SOX8: variants seen among roughly 807,000 people sequenced by gnomAD.
The protein encoded by SOX8 is transcription factor SOX-8.
SOX8 carries 9 observed loss-of-function variants against 22.9 expected under a neutral mutation model. That is an observed-to-expected ratio of 0.39 (90% CI 0.24 to 0.69). SOX8 has a LOEUF of 0.69. Among genes scored for constraint, SOX8 ranks in the 30% least tolerant of loss-of-function variants. SOX8 has a pLI of 0.43. For missense variants in SOX8, 734 were observed against 699.4 expected (o/e 1.05, Z -0.56); for synonymous variants, 416 against 330.6 (o/e 1.26, Z -2.80).
intron 2 of SOX8, 85 bp downstream of exon 2, chr16:984,045 T>C: frequency 8.3e-7 from 1 of 1,200,534 alleles, no homozygotes; most frequent in Non-Finnish European, 1.1e-6. Flanking sequence ...TGCATGATGG[T>C]GGAGGGGGGC....
At chr16:983,054 T>C (rs1238836103) in intron 1 of SOX8, 1 of 152,322 alleles carries the variant, frequency 6.6e-6, no homozygotes, top group Non-Finnish European at 1.5e-5. Context: ...ATGGTTCTCT[T>C]GGTTTGGGGC....
chr16:984,659 A>C, intron 2 of SOX8, 42 bp from the exon 3 acceptor site: 2 of 1,290,130 alleles, frequency 1.6e-6, no homozygotes, highest in Non-Finnish European at 2.0e-6. Context: ...CCCGCCCCAC[A>C]GAAGGGGCAT....
chr16:982,439 G>T, intron 1 of SOX8, 95 bp downstream of exon 1: 1 of 1,228,512 alleles, frequency 8.1e-7, no homozygotes, highest in South Asian at 2.7e-5. Flanking sequence ...AGCTCGCGGA[G>T]GTGGTGGCCA....
chr16:985,426 C>A lies in SOX8; in HGVS notation c.*40C>A, dbSNP rs1170196598. ...GGAGGGACTCGCAGGCGTCAGGGGG[C>A]AGCCTTGTCCCGGCCCAGTGTGTGT... On this transcript the variant is annotated 3_prime_UTR_variant, in exon 3 of 3. Coordinates refer to ENST00000293894, the MANE Select transcript of SOX8 (RefSeq NM_014587.5). The A allele has an allele frequency of 1.4e-6, 2 of 1,449,692 alleles. No individual in the cohort carries two copies. Among genetic ancestry groups the A allele is most frequent in the South Asian group, 1.4e-5 (1 of 73,458 alleles). 89.8% of individuals were successfully genotyped at this position (1,449,692 alleles called of 1,614,324 possible). A position where few individuals can be genotyped will look rare whatever the true frequency, so the allele number is the denominator to read the frequency against.
At chr16:984,448 G>A (rs549919187) in intron 2 of SOX8, among the ~76,000 whole-genome samples, 18 of 152,206 alleles carry the variant, frequency 1.2e-4, no homozygotes, top group Non-Finnish European at 2.4e-4. Flanking sequence ...TGGGCCTGTC[G>A]GCTTCTTCCC....
chr16:985,096 C>G lies in SOX8; in HGVS notation c.1051C>G (p.Gln351Glu). The G allele has an allele frequency of 6.3e-7, 1 of 1,592,024 alleles. No homozygotes were observed. The highest frequency in any genetic ancestry group is 8.5e-7 in the Non-Finnish European group (1 of 1,174,822). Residue 351 changes from glutamine to glutamate, a missense_variant, in exon 3 of 3, where the codon CAG becomes GAG. This residue lies in a region of SOX8 where 588 missense variants were observed against 568.2 expected (regional missense o/e 1.03). Transcript: ENST00000293894. ...EQPSPGHYGD[Q>E]PRGSPDYGSC... Reference sequence around the variant, plus strand: ...GCCGAGCCCCGGCCACTACGGCGACCAGCCCCGAGGCTCGCCCGACTACGG... The same window carrying G: ...GCCGAGCCCCGGCCACTACGGCGACGAGCCCCGAGGCTCGCCCGACTACGG...
chr16:985,496 C>A lies in SOX8; in HGVS notation c.*110C>A. ...CCAGTGGCTGAGCTCCAAGTGCCTG[C>A]TGAAGTCTGCAGGGAAACACGCTTG... On this transcript the variant is annotated 3_prime_UTR_variant, in exon 3 of 3. Coordinates refer to ENST00000293894, the MANE Select transcript of SOX8 (RefSeq NM_014587.5). The A allele has an allele frequency of 1.1e-6, 1 of 900,718 alleles. No individual in the cohort carries two copies. The highest frequency in any genetic ancestry group is 1.6e-6 in the Non-Finnish European group (1 of 619,420). 55.8% of individuals were successfully genotyped at this position (900,718 alleles called of 1,614,324 possible).
At position 986,932 on chromosome 16, in the gene SOX8, T is replaced by G. The variant is rs1391836323; in HGVS notation, c.*1546T>G. ...TCCTTTCTGACCAAGCAACGCTAAC[T>G]TTTGTACAGATCGATTTGATAAAAT... On this transcript the variant is annotated 3_prime_UTR_variant, in exon 3 of 3. Coordinates refer to ENST00000293894, the MANE Select transcript of SOX8 (RefSeq NM_014587.5). 4 of 152,292 alleles carry G rather than the reference T, an allele frequency of 2.6e-5. No homozygotes were observed. Among genetic ancestry groups the G allele is most frequent in the African/African-American group, 9.6e-5 (4 of 41,468 alleles). 9.4% of individuals were successfully genotyped at this position (152,292 alleles called of 1,614,324 possible).
Position 984,695 on chromosome 16 carries a change from C to T in SOX8, c.656-6C>T, listed in dbSNP as rs2073438562. The T allele has an allele frequency of 6.6e-7, 1 of 1,510,746 alleles. No individual in the cohort carries two copies. The highest frequency in any genetic ancestry group is 8.8e-7 in the Non-Finnish European group (1 of 1,132,918). 93.6% of individuals were successfully genotyped at this position (1,510,746 alleles called of 1,614,324 possible). A position where few individuals can be genotyped will look rare whatever the true frequency, so the allele number is the denominator to read the frequency against. ...TCATCCCTGAAGCCTGCTCTCCTGT[C>T]CCCAGGGCAGACCCACGGGCCGCCC... On this transcript the variant is annotated splice_region_variant and splice_polypyrimidine_tract_variant and intron_variant, in intron 2 of 2. Coordinates refer to ENST00000293894, the MANE Select transcript of SOX8 (RefSeq NM_014587.5).
In SOX8 at chr16:985,437, C is replaced by T. The variant is rs1332110513; in HGVS notation, c.*51C>T. On this transcript the variant is annotated 3_prime_UTR_variant, in exon 3 of 3. Transcript: ENST00000293894. ...CAGGCGTCAGGGGGCAGCCTTGTCC[C>T]GGCCCAGTGTGTGTGACCAGGGCGG... is the stretch of plus-strand genomic sequence containing the variant. The T allele has an allele frequency of 3.5e-6, 5 of 1,421,296 alleles. No individual in the cohort carries two copies. Among genetic ancestry groups the T allele is most frequent in the South Asian group, 2.8e-5 (2 of 71,306 alleles). The allele number at this position is 1,421,296 out of a possible 1,614,324, so 88.0% of individuals were successfully genotyped here. A position where few individuals can be genotyped will look rare whatever the true frequency, so the allele number is the denominator to read the frequency against.
Position 986,428 on chromosome 16 carries a change from G to A in SOX8, c.*1042G>A, listed in dbSNP as rs2073462937. ...CTGTGCCACGTGGTAGGACACATAG[G>A]ACACAGGAATTCCTGGGTCCTTGCC... is the stretch of plus-strand genomic sequence containing the variant. On this transcript the variant is annotated 3_prime_UTR_variant, in exon 3 of 3. Transcript: ENST00000293894. 6.6e-6 allele frequency: 1 copy of A among 152,270 alleles called. No homozygotes were observed. Among genetic ancestry groups the A allele is most frequent in the East Asian group, 1.9e-4 (1 of 5,200 alleles). The allele number at this position is 152,270 out of a possible 1,614,324, so 9.4% of individuals were successfully genotyped here.
At chr16:983,674 C>G (rs1020056460) in intron 1 of SOX8, 54 bp from the exon 2 acceptor site, 1 of 1,529,726 alleles carries the variant, frequency 6.5e-7, no homozygotes, top group African/African-American at 1.4e-5. Flanking sequence ...TGTGTGCCTG[C>G]GCCGAGGGCA....
Position 984,793 on chromosome 16 carries a change from C to G in SOX8, c.748C>G (p.Arg250Gly). ...AKPELKLEGRRPVDSGRQNID... is the reference protein window; with the variant it reads ...AKPELKLEGRGPVDSGRQNID... ...GCCGGAGCTGAAGCTGGAGGGACGC[C>G]GGCCGGTGGACAGCGGGCGCCAGAA... Residue 250 changes from arginine (R) to glycine (G), a missense_variant, in exon 3 of 3, where the codon CGG becomes GGG. Arg to Gly is a moderately radical substitution (Grantham distance 125). This residue lies in a region of SOX8 where 588 missense variants were observed against 568.2 expected (regional missense o/e 1.03). Coordinates refer to ENST00000293894, the MANE Select transcript of SOX8 (RefSeq NM_014587.5). 1 of 1,610,770 alleles carries G rather than the reference C, an allele frequency of 6.2e-7. No homozygotes were observed. Among genetic ancestry groups the G allele is most frequent in the African/African-American group, 1.3e-5 (1 of 74,974 alleles).
At chr16:983,654 C>G in intron 1 of SOX8, 74 bp from the exon 2 acceptor site, 1 of 1,381,922 alleles carries the variant, frequency 7.2e-7, no homozygotes, top group Non-Finnish European at 9.9e-7. Flanking sequence ...GCTGCCGGTT[C>G]CCCCTGTGGT....
intron 2 of SOX8, among the ~76,000 whole-genome samples, chr16:984,263 G>A (rs2073434783): frequency 6.6e-6 from 1 of 152,248 alleles, no homozygotes; most frequent in Admixed American, 6.5e-5. Flanking sequence ...CCGAGCTGCT[G>A]CCCACACGGC....
chr16:985,440 C>A lies in SOX8; in HGVS notation c.*54C>A. The A allele has an allele frequency of 2.1e-6, 3 of 1,413,946 alleles. No homozygotes were observed. Among genetic ancestry groups the A allele is most frequent in the East Asian group, 2.5e-5 (1 of 39,574 alleles). The allele number at this position is 1,413,946 out of a possible 1,614,324, so 87.6% of individuals were successfully genotyped here. A position where few individuals can be genotyped will look rare whatever the true frequency, so the allele number is the denominator to read the frequency against. On this transcript the variant is annotated 3_prime_UTR_variant, in exon 3 of 3. Transcript: ENST00000293894. ...GCGTCAGGGGGCAGCCTTGTCCCGG[C>A]CCAGTGTGTGTGACCAGGGCGGGAG...
intron 2 of SOX8, 51 bp from the exon 3 acceptor site, chr16:984,650 C>G: frequency 7.9e-7 from 1 of 1,261,374 alleles, no homozygotes; most frequent in Non-Finnish European, 1.1e-6. Context: ...CCGGCCCCAC[C>G]CGCCCCACAG....
chr16:982,095 A>G lies in SOX8; in HGVS notation c.173A>G (p.Glu58Gly). Residue 58 changes from glutamate to glycine, a missense_variant, in exon 1 of 3, where the codon GAG becomes GGG. Physicochemically the swap from Glu to Gly is moderately conservative, Grantham distance 98. Transcript: ENST00000293894. ...GGGGGCGCCCGGGGCGACCCGGCGG[A>G]GGCGGCGGACGAGCGCTTCCCGGCC... The part of the protein sequence containing the change: ...AVGGARGDPA[E>G]AADERFPACI... 1.5e-6 allele frequency: 2 copies of G among 1,316,122 alleles called. No individual in the cohort carries two copies. Among genetic ancestry groups the G allele is most frequent in the Non-Finnish European group, 1.9e-6 (2 of 1,041,322 alleles). 81.5% of individuals were successfully genotyped at this position (1,316,122 alleles called of 1,614,324 possible). A position where few individuals can be genotyped will look rare whatever the true frequency, so the allele number is the denominator to read the frequency against.
chr16:983,699 G>A, intron 1 of SOX8, 29 bp from the exon 2 acceptor site: 1 of 1,598,858 alleles, frequency 6.3e-7, no homozygotes, highest in Non-Finnish European at 8.5e-7. Flanking sequence ...GGGCGCCCTG[G>A]CCATCCCTGC....
Sources: allele counts gnomAD v4.1 joint callset (sites outside exome capture counted in the v4.1 genomes callset), GRCh38; gene constraint gnomAD v4.1.1; regional missense constraint gnomAD v4.1.1; transcripts MANE v1.5; gene names NCBI Gene and HGNC (gene_info 2026-07-23, HGNC 2026-07-21).